The following HPSE2 variants were observed in gnomAD, a reference collection of about 807,000 sequenced individuals.
HPSE2 encodes inactive heparanase-2.
Under a neutral mutation model 60.5 loss-of-function variants are expected in HPSE2, and 38 were observed. The ratio of observed to expected loss-of-function variants is 0.63; its 90% confidence interval spans 0.48 to 0.82. The LOEUF (loss-of-function observed/expected upper bound fraction) is 0.82. HPSE2 is among the 40% of genes least tolerant of loss of function. The pLI, the probability that HPSE2 is intolerant of heterozygous loss-of-function variation, is 0.00. For synonymous variants in HPSE2, 295 were observed against 293.2 expected (o/e 1.01, Z -0.06); for missense variants, 713 against 740.4 (o/e 0.96, Z 0.43).
At chr10:98,952,317 TG>T (rs1955384773) in intron 3 of HPSE2, among the ~76,000 whole-genome samples, 3 of 17,534 alleles carry the variant, frequency 1.7e-4, no homozygotes, top group African/African-American at 2.9e-4. Context: ...AATTTGTTTG[TG>T]TGTGTGTGTG....
intron 3 of HPSE2, among the ~76,000 whole-genome samples, chr10:99,005,581 T>G (rs1264250831): frequency 6.6e-6 from 1 of 152,208 alleles, no homozygotes; most frequent in Admixed American, 6.5e-5. Flanking sequence ...AATTTTTTTC[T>G]GTATTTTCTT....
At chr10:98,990,975 T>A (rs1462375116) in intron 3 of HPSE2, among the ~76,000 whole-genome samples, 2 of 152,174 alleles carry the variant, frequency 1.3e-5, no homozygotes, top group African/African-American at 4.8e-5. Flanking sequence ...CATGCCCCAA[T>A]CATACTGGTC....
rs527539259 is a variant in HPSE2 at position 98,511,963 on chromosome 10, A to C, written c.1321-21767T>G. On this transcript the variant is annotated intron_variant, in intron 9 of 11. Coordinates refer to ENST00000370552, the MANE Select transcript of HPSE2 (RefSeq NM_021828.5). ...TTGTGTGGTTTCCAAAGTTGTAAAA[A>C]CCTAATTAATTCTAATAGGCACAAA... 6.6e-5 allele frequency among the ~76,000 whole-genome samples: 10 copies of C among 152,290 alleles called. No homozygotes were observed. In the East Asian group the frequency reaches 1.9e-3, roughly 29 times the overall value.
At chr10:99,139,051 CAAT>C (rs2135762323) in intron 3 of HPSE2, among the ~76,000 whole-genome samples, 1 of 152,096 alleles carries the variant, frequency 6.6e-6, no homozygotes, top group Admixed American at 6.6e-5. Context: ...GCCCATCAAT[CAAT>C]AAGTGGATAA....
chr10:98,795,487 A>C (rs922010985), intron 3 of HPSE2, among the ~76,000 whole-genome samples: 1 of 152,242 alleles, frequency 6.6e-6, no homozygotes, highest in Admixed American at 6.5e-5. Context: ...GGACCAGACT[A>C]GCCAGAGGGA....
At chr10:98,744,161 G>A (rs1218571288) in intron 3 of HPSE2, 105 bp from the exon 4 acceptor site, 13 of 1,008,142 alleles carry the variant, frequency 1.3e-5, no homozygotes, top group South Asian at 1.1e-4. Flanking sequence ...CCACTAATAA[G>A]GAATAACACA....
intron 9 of HPSE2, among the ~76,000 whole-genome samples, chr10:98,526,029 T>C (rs1428886824): frequency 6.6e-6 from 1 of 152,206 alleles, no homozygotes; most frequent in African/African-American, 2.4e-5. Context: ...CCCTCGTTAC[T>C]CTGTAGAACA....
chr10:99,163,704 A>G (rs1234269163), intron 2 of HPSE2, among the ~76,000 whole-genome samples: 1 of 152,006 alleles, frequency 6.6e-6, no homozygotes, highest in Non-Finnish European at 1.5e-5. Flanking sequence ...CCCATATTGC[A>G]TTAGTTTCCA....
intron 3 of HPSE2, among the ~76,000 whole-genome samples, chr10:98,817,357 G>A (rs1178479441): frequency 6.6e-6 from 1 of 152,120 alleles, no homozygotes; most frequent in Non-Finnish European, 1.5e-5. Flanking sequence ...CTAAACAAAA[G>A]ATACTTCAGA....
At chr10:98,739,718 G>T (rs1445381927) in intron 4 of HPSE2, among the ~76,000 whole-genome samples, 1 of 152,080 alleles carries the variant, frequency 6.6e-6, no homozygotes, top group African/African-American at 2.4e-5. Flanking sequence ...GTCAGGTTAT[G>T]GGTATGAATA....
chr10:98,747,687 T>C (rs2134341829), intron 3 of HPSE2, among the ~76,000 whole-genome samples: 1 of 152,332 alleles, frequency 6.6e-6, no homozygotes, highest in Middle Eastern at 3.4e-3. Flanking sequence ...CGAAAGTGAT[T>C]TCGACTTTCT....
At chr10:99,218,818 T>C (rs914100652) in intron 2 of HPSE2, among the ~76,000 whole-genome samples, 45 of 152,250 alleles carry the variant, frequency 3.0e-4, no homozygotes, top group African/African-American at 9.2e-4. Context: ...GCCTAGCCTA[T>C]AGATCCTTTT....
intron 7 of HPSE2, among the ~76,000 whole-genome samples, chr10:98,634,635 A>G (rs1946449522): frequency 6.6e-6 from 1 of 152,234 alleles, no homozygotes; most frequent in Non-Finnish European, 1.5e-5. Context: ...AATTACTTCA[A>G]AGAAATTACA....
At chr10:98,687,895 C>A (rs1947958734) in intron 6 of HPSE2, among the ~76,000 whole-genome samples, 1 of 152,132 alleles carries the variant, frequency 6.6e-6, no homozygotes, top group African/African-American at 2.4e-5. Flanking sequence ...AGCATCCAGT[C>A]TGACAATCTT....
the HPSE2 span, among the ~76,000 whole-genome samples, chr10:99,268,485 A>T: frequency 7.7e-4 from 117 of 151,968 alleles, no homozygotes; most frequent in Middle Eastern, 3.4e-3. Context: ...CAACTAAAAA[A>T]ATATACAAAA....
intron 3 of HPSE2, among the ~76,000 whole-genome samples, chr10:99,037,906 G>A (rs1957646677): frequency 6.6e-6 from 1 of 152,010 alleles, no homozygotes; most frequent in South Asian, 2.1e-4. Flanking sequence ...TCATCAAAAA[G>A]GAGATACAGA....
the HPSE2 span, among the ~76,000 whole-genome samples, chr10:99,242,450 G>A: frequency 7.9e-5 from 12 of 152,180 alleles, no homozygotes; most frequent in Admixed American, 5.9e-4. Flanking sequence ...CATAATAAAT[G>A]TGATTGACTC....
intron 9 of HPSE2, among the ~76,000 whole-genome samples, chr10:98,495,084 C>G (rs556733676): frequency 9.2e-5 from 14 of 152,240 alleles, no homozygotes; most frequent in Non-Finnish European, 1.9e-4. Context: ...ATCACAAAAT[C>G]TCTCAGCTTT....
intron 3 of HPSE2, among the ~76,000 whole-genome samples, chr10:98,983,848 CTG>C (rs1956268019): frequency 4.6e-5 from 7 of 152,174 alleles, no homozygotes; most frequent in Non-Finnish European, 1.0e-4. Context: ...AGATTATATC[CTG>C]CGCCTGGCTC....
Sources: allele counts gnomAD v4.1 joint callset (sites outside exome capture counted in the v4.1 genomes callset), GRCh38; gene constraint gnomAD v4.1.1; transcripts MANE v1.5; gene names NCBI Gene and HGNC (gene_info 2026-07-23, HGNC 2026-07-21).